Variants in BBX observed in about 807,000 individuals in gnomAD.
BBX encodes BBX high mobility group box domain containing.
A neutral mutation model predicts 100.2 loss-of-function variants in BBX; 30 were observed. The ratio of observed to expected loss-of-function variants is 0.30; its 90% CI spans 0.22 to 0.41. BBX has a LOEUF of 0.41. BBX is among the 10% of genes least tolerant of loss of function. BBX has a pLI of 1.00. For synonymous variants in BBX, 376 were observed against 388.1 expected, an observed-to-expected ratio of 0.97 and a Z score of 0.37; for missense variants, 1,023 against 1,129.8, an observed-to-expected ratio of 0.91 and a Z score of 1.35.
At chr3:107,553,568 G>A (rs1009169757) in intron 2 of BBX, among the ~76,000 whole-genome samples, 12 of 152,126 alleles carry the variant, frequency 7.9e-5, no homozygotes, top group African/African-American at 2.9e-4. Context: ...GAGGGACCTG[G>A]GGCCTAATAG....
At chr3:107,542,804 C>T (rs1181362670) in intron 2 of BBX, among the ~76,000 whole-genome samples, 1 of 152,136 alleles carries the variant, frequency 6.6e-6, no homozygotes, top group East Asian at 1.9e-4. Flanking sequence ...CACTCACTCC[C>T]CTATCGTGCC....
chr3:107,769,169 C>CATAG (rs61134656), intron 10 of BBX, among the ~76,000 whole-genome samples: 3,311 of 132,406 alleles, frequency 0.025, 111 homozygotes, highest in African/African-American at 0.055. Flanking sequence ...CTCTATCATT[C>CATAG]ATAGATAGAT....
intron 6 of BBX, among the ~76,000 whole-genome samples, chr3:107,730,014 G>T (rs893985364): frequency 6.6e-6 from 1 of 152,156 alleles, no homozygotes; most frequent in East Asian, 1.9e-4. Flanking sequence ...TTGAGTCCAG[G>T]AGTTCGAGGC....
intron 10 of BBX, among the ~76,000 whole-genome samples, chr3:107,771,252 T>C (rs1366301346): frequency 6.6e-6 from 1 of 152,130 alleles, no homozygotes; most frequent in Non-Finnish European, 1.5e-5. Context: ...CAGTTAAGTG[T>C]GTATAAATGA....
At chr3:107,765,705 T>C (rs776577228) in intron 10 of BBX, among the ~76,000 whole-genome samples, 15 of 152,178 alleles carry the variant, frequency 9.9e-5, no homozygotes, top group Non-Finnish European at 1.9e-4. Context: ...CCGACTGCCT[T>C]TCCTCAGCTC....
At position 107,773,257 on chromosome 3, in the gene BBX, C is replaced by T. The variant is rs2067048262; in HGVS notation, c.1536C>T (p.Arg512=). Residue 512 remains arginine, a synonymous_variant, in exon 11 of 18, where the codon CGC becomes CGT. Transcript: ENST00000325805. The surrounding 1 kb of genome is among the most constrained non-coding windows in gnomAD (Gnocchi z 4.1). ...KLGDTPRKKV[R]TSSSGKGSIL... ...GAGATACCCCTCGCAAGAAGGTCCG[C>T]ACATCCTCAAGTGGCAAGGGAAGCA... 1 of 1,614,020 alleles carries T rather than the reference C, an allele frequency of 6.2e-7. No individual in the cohort carries two copies. The highest frequency in any genetic ancestry group is 1.3e-5 in the African/African-American group (1 of 75,002).
At chr3:107,719,700 A>G (rs1021470861) in intron 5 of BBX, among the ~76,000 whole-genome samples, 1 of 152,082 alleles carries the variant, frequency 6.6e-6, no homozygotes. Context: ...TAAATTCAGT[A>G]ATGTACATGA....
At chr3:107,634,237 T>TAGACATTGGAC (rs2056725199) in intron 2 of BBX, among the ~76,000 whole-genome samples, 2 of 152,190 alleles carry the variant, frequency 1.3e-5, no homozygotes, top group African/African-American at 4.8e-5. Context: ...CATTGGATTT[T>TAGACATTGGAC]TAACTTAGAC....
At chr3:107,695,076 T>C (rs1171579618) in intron 3 of BBX, among the ~76,000 whole-genome samples, 1 of 145,916 alleles carries the variant, frequency 6.9e-6, no homozygotes, top group East Asian at 2.0e-4. Flanking sequence ...TCTATTTGAT[T>C]CTTCTCTCTT....
intron 3 of BBX, chr3:107,646,152 C>T (rs925154002): frequency 3.9e-5 from 6 of 152,160 alleles, no homozygotes; most frequent in East Asian, 1.9e-4. Context: ...ATCTCTGATT[C>T]GTTTCTCCAC....
intron 2 of BBX, among the ~76,000 whole-genome samples, chr3:107,623,688 G>A (rs1446895086): frequency 6.6e-6 from 1 of 152,072 alleles, no homozygotes; most frequent in East Asian, 1.9e-4. Flanking sequence ...ATGAAATTAA[G>A]TACACTATTT....
intron 3 of BBX, 50 bp from the exon 4 acceptor site, chr3:107,710,402 T>G: frequency 6.9e-6 from 10 of 1,448,366 alleles, no homozygotes; most frequent in Non-Finnish European, 9.4e-6. Flanking sequence ...TCTCGGTGTC[T>G]CTCTTTCTCT....
intron 13 of BBX, among the ~76,000 whole-genome samples, chr3:107,783,946 A>T (rs2068156498): frequency 6.6e-6 from 1 of 151,966 alleles, no homozygotes; most frequent in Admixed American, 6.6e-5. Context: ...TGTAGTCATC[A>T]AAAAACACTT....
intron 2 of BBX, among the ~76,000 whole-genome samples, chr3:107,614,038 G>T (rs943547098): frequency 7.8e-6 from 1 of 129,018 alleles, no homozygotes; most frequent in Non-Finnish European, 1.6e-5. Context: ...TGGAACCTCC[G>T]CCTCCTGGGT....
In BBX at chr3:107,716,720, A is replaced by G. The variant is rs1343826353; in HGVS notation, c.276A>G (p.Lys92=). 2 of 1,613,816 alleles carry G rather than the reference A, an allele frequency of 1.2e-6. No homozygotes were observed. Among genetic ancestry groups the G allele is most frequent in the Admixed American group, 1.7e-5 (1 of 59,962 alleles). The change falls in exon 5 of 18, where the codon AAA becomes AAG. Residue 92 remains lysine (K), a synonymous_variant. Coordinates refer to ENST00000325805, the MANE Select transcript of BBX (RefSeq NM_001142568.3). ...RPMNAFLLFC[K]RHRSLVRQEH... ...TGAATGCATTTCTTTTATTTTGCAA[A>G]CGCCATCGCTCTCTTGTACGTCAGG... is the stretch of plus-strand genomic sequence containing the variant.
At position 107,777,788 on chromosome 3, in the gene BBX, C is replaced by A. The variant is rs141122866; in HGVS notation, c.2055-583C>A. Among the ~76,000 whole-genome samples, 11 of 152,228 alleles carry A rather than the reference C, an allele frequency of 7.2e-5. No homozygotes were observed. In the East Asian group the frequency reaches 1.9e-3, roughly 27 times the overall value. On this transcript the variant is annotated intron_variant, in intron 12 of 17. Transcript: ENST00000325805. ...TATTTTGTCTTCATTCTAGTCCACT[C>A]TCCAGAATGTTTTCCTAGTATTAAT...
chr3:107,689,262 T>C (rs1022702019), intron 3 of BBX, among the ~76,000 whole-genome samples: 12 of 152,202 alleles, frequency 7.9e-5, no homozygotes, highest in Non-Finnish European at 1.8e-4. Flanking sequence ...ACACAGGAAG[T>C]TGTATGCTAC....
chr3:107,701,555 A>G (rs1488174130), intron 3 of BBX, among the ~76,000 whole-genome samples: 1 of 152,222 alleles, frequency 6.6e-6, no homozygotes, highest in Admixed American at 6.5e-5. Context: ...CTGAGTTCAA[A>G]TATTAGCTTC....
At chr3:107,584,017 A>G (rs1339686415) in intron 2 of BBX, among the ~76,000 whole-genome samples, 1 of 75,728 alleles carries the variant, frequency 1.3e-5, no homozygotes, top group Admixed American at 2.4e-4. Context: ...TATATTATAC[A>G]TATTATTATA....
Sources: gnomAD v4.1 joint callset for allele counts (sites outside exome capture counted in the v4.1 genomes callset) on GRCh38, gnomAD v4.1.1 for gene constraint, Gnocchi (gnomAD v3.1) non-coding constraint, MANE v1.5 for transcripts, NCBI Gene and HGNC (gene_info 2026-07-23, HGNC 2026-07-21) for gene names.